PKHD1: variants seen among roughly 807,000 people sequenced by gnomAD.
The protein encoded by PKHD1 is PKHD1 ciliary IPT domain containing fibrocystin/polyductin.
In PKHD1, 291 loss-of-function variants were observed where a neutral mutation model predicts 412.0. The observed-to-expected ratio is 0.71, with a 90% CI of 0.64 to 0.78. The LOEUF (loss-of-function observed/expected upper bound fraction) is 0.78, where lower values mean the gene tolerates loss of function less well. Among genes scored for constraint, PKHD1 ranks in the 30% least tolerant of loss-of-function variants. The pLI, the probability that PKHD1 is intolerant of heterozygous loss-of-function variation, is 0.00. For missense variants in PKHD1, 4,825 were observed against 4,950.7 expected, an observed-to-expected ratio of 0.97 and a Z score of 0.76; for synonymous variants, 1,777 against 1,821.5, an observed-to-expected ratio of 0.98 and a Z score of 0.62.
chr6:52,053,197 A>AT lies in PKHD1; in HGVS notation c.2018dup (p.Asp673GlufsTer32). On this transcript the variant is annotated frameshift_variant, in exon 21 of 67. Transcript: ENST00000371117. LOFTEE classifies it high-confidence loss of function. ...GGGAGTTTGCCGGAGGGGGCTGGAG[A>AT]TCCCCGAAGCAACGCACACAAGTCT... 1 of 1,614,162 alleles carries AT rather than the reference A, an allele frequency of 6.2e-7. No individual in the cohort carries two copies. The highest frequency in any genetic ancestry group is 8.5e-7 in the Non-Finnish European group (1 of 1,180,010).
intron 48 of PKHD1, 137 bp from the exon 49 acceptor site, chr6:51,856,207 G>T (rs1773286833): frequency 2.9e-6 from 2 of 698,670 alleles, no homozygotes; most frequent in Non-Finnish European, 5.1e-6. Context: ...TTAGTTGTAT[G>T]TCTAGGGAGG....
intron 4 of PKHD1, 146 bp from the exon 5 acceptor site, chr6:52,080,154 T>C: frequency 1.5e-6 from 1 of 680,868 alleles, no homozygotes; most frequent in South Asian, 1.6e-5. Flanking sequence ...ACCTCTTTGA[T>C]CCACTCATAA....
At chr6:51,847,249 C>T (rs368300854) in intron 50 of PKHD1, among the ~76,000 whole-genome samples, 7 of 151,240 alleles carry the variant, frequency 4.6e-5, no homozygotes, top group African/African-American at 1.5e-4. Context: ...GCACATGCCA[C>T]CATGCCCAGC....
chr6:51,763,573 C>T (rs1374867937), intron 55 of PKHD1, among the ~76,000 whole-genome samples: 1 of 152,104 alleles, frequency 6.6e-6, no homozygotes, highest in East Asian at 1.9e-4. Context: ...ATCAGAAAAG[C>T]ACTTTAAATT....
intron 32 of PKHD1, 135 bp downstream of exon 32, chr6:52,024,439 G>A: frequency 1.2e-6 from 1 of 821,198 alleles, no homozygotes; most frequent in Non-Finnish European, 2.1e-6. Context: ...GGAAGGAATT[G>A]GGATTGTAAG....
intron 55 of PKHD1, among the ~76,000 whole-genome samples, chr6:51,764,038 G>A (rs1413539050): frequency 6.7e-6 from 1 of 149,158 alleles, no homozygotes; most frequent in African/African-American, 2.5e-5. Context: ...CCATGCTGGT[G>A]CGCTGCACCC....
intron 60 of PKHD1, among the ~76,000 whole-genome samples, chr6:51,723,375 T>C (rs894083676): frequency 7.2e-5 from 11 of 152,190 alleles, no homozygotes; most frequent in Non-Finnish European, 1.3e-4. Context: ...CTCAACCTCC[T>C]GCACTATTCA....
intron 52 of PKHD1, among the ~76,000 whole-genome samples, chr6:51,809,941 AT>A (rs1764442889): frequency 6.6e-6 from 1 of 150,426 alleles, no homozygotes; most frequent in African/African-American, 2.4e-5. Flanking sequence ...TTTCTATCCT[AT>A]TTTTTTCATG....
At chr6:51,707,907 G>A (rs774662797) in intron 60 of PKHD1, among the ~76,000 whole-genome samples, 5 of 152,008 alleles carry the variant, frequency 3.3e-5, no homozygotes, top group Non-Finnish European at 7.4e-5. Context: ...TTCTCAATAT[G>A]CTTTGTGAGA....
rs1183472422 is a variant in PKHD1, at chr6:52,046,129, C to A, written c.2467G>T (p.Asp823Tyr). 6.2e-7 allele frequency: 1 copy of A among 1,613,414 alleles called. No individual in the cohort carries two copies. Among genetic ancestry groups the A allele is most frequent in the Non-Finnish European group, 8.5e-7 (1 of 1,179,502 alleles). The change falls in exon 24 of 67, where the codon GAC (aspartate) becomes TAC (tyrosine). Residue 823 changes from aspartate (D) to tyrosine (Y), a missense_variant. Asp to Tyr is a radical substitution (Grantham distance 160, BLOSUM62 -3). Transcript: ENST00000371117. ...GCATTGAGGTACCTGGATGTGAAGT[C>A]ATCGGCATTATTCTGTAAGAGCTGG... Reference protein sequence around the residue: ...LHQLLQNNADDFTSRYLNASD... With the variant: ...LHQLLQNNADYFTSRYLNASD...
At position 51,803,764 on chromosome 6, in the gene PKHD1, T is replaced by C. The variant is rs965538934; in HGVS notation, c.8303-12391A>G. 4.6e-5 allele frequency among the ~76,000 whole-genome samples: 7 copies of C among 151,606 alleles called. 1 individual carries two copies. The highest frequency in any genetic ancestry group is 1.3e-4 in the Admixed American group (2 of 15,268). On this transcript the variant is annotated intron_variant, in intron 52 of 66. Transcript: ENST00000371117. The stretch of plus-strand genomic sequence containing the variant: ...TCTTGTCACCCAGGCTGGAGTGCAA[T>C]GGTGCGATCTTGGCTCACTGTAATC...
At chr6:52,006,575 C>T (rs193267592) in intron 35 of PKHD1, among the ~76,000 whole-genome samples, 5 of 152,234 alleles carry the variant, frequency 3.3e-5, no homozygotes, top group African/African-American at 9.6e-5. Flanking sequence ...TGGGGTTTCA[C>T]CATGTTGGCC....
chr6:51,866,676 T>C (rs1775109313), intron 48 of PKHD1, among the ~76,000 whole-genome samples: 1 of 152,120 alleles, frequency 6.6e-6, no homozygotes, highest in African/African-American at 2.4e-5. Flanking sequence ...AGTACACAAA[T>C]CTATTTTCCT....
In PKHD1 at chr6:52,043,713, A is replaced by ACC. The variant is rs1301986977; in HGVS notation, c.2732_2733insGG (p.Asn911LysfsTer37). ...AACCTGGGCAATGAGCTGGTACATC[A>ACC]TTCACTCGCACAACCACCTGAAATG... is the stretch of plus-strand genomic sequence containing the variant. On this transcript the variant is annotated frameshift_variant, in exon 26 of 67. Transcript: ENST00000371117. LOFTEE classifies it high-confidence loss of function. The ACC allele has an allele frequency of 6.2e-7, 1 of 1,613,440 alleles. No individual in the cohort carries two copies. The highest frequency in any genetic ancestry group is 8.5e-7 in the Non-Finnish European group (1 of 1,179,424).
intron 4 of PKHD1, among the ~76,000 whole-genome samples, chr6:52,081,258 T>C (rs1328397008): frequency 6.6e-6 from 1 of 152,200 alleles, no homozygotes; most frequent in African/African-American, 2.4e-5. Flanking sequence ...CTTTGCAGAA[T>C]GTCTATGCCC....
intron 60 of PKHD1, among the ~76,000 whole-genome samples, chr6:51,665,791 G>T (rs1361066175): frequency 6.6e-6 from 1 of 152,174 alleles, no homozygotes; most frequent in East Asian, 1.9e-4. Context: ...TAATGTTGGA[G>T]GGAGTGGATG....
intron 35 of PKHD1, among the ~76,000 whole-genome samples, chr6:52,002,056 G>C (rs1798466020): frequency 6.6e-6 from 1 of 152,174 alleles, no homozygotes; most frequent in Admixed American, 6.5e-5. Flanking sequence ...CTACAAGGTA[G>C]GAATTAACAG....
At chr6:51,834,441 C>T (rs557688935) in intron 51 of PKHD1, among the ~76,000 whole-genome samples, 3 of 152,158 alleles carry the variant, frequency 2.0e-5, no homozygotes, top group South Asian at 2.1e-4. Flanking sequence ...ATATTACATA[C>T]TCATATCGGT....
intron 66 of PKHD1, among the ~76,000 whole-genome samples, chr6:51,626,106 G>A (rs2150272637): frequency 6.6e-6 from 1 of 152,020 alleles, no homozygotes; most frequent in East Asian, 1.9e-4. Flanking sequence ...ATGCTCATGT[G>A]TGCATGCACA....
Sources: gnomAD v4.1 joint callset for allele counts (sites outside exome capture counted in the v4.1 genomes callset) on GRCh38, gnomAD v4.1.1 for gene constraint, MANE v1.5 for transcripts, NCBI Gene and HGNC (gene_info 2026-07-23, HGNC 2026-07-21) for gene names.